BROX: variants seen among roughly 807,000 people sequenced by gnomAD.
The protein encoded by BROX is BRO1 domain and CAAX motif containing.
In BROX, 53 loss-of-function variants were observed where a neutral mutation model predicts 61.0. The observed-to-expected ratio is 0.87, with a 90% CI of 0.70 to 1.09. BROX has a LOEUF of 1.09. Ranked by LOEUF, BROX falls within the 50% of genes least tolerant of loss-of-function variation. The pLI, the probability that BROX is intolerant of heterozygous loss-of-function variation, is 0.00. For synonymous variants in BROX, 152 were observed against 160.2 expected, an observed-to-expected ratio of 0.95 and a Z score of 0.38; for missense variants, 489 against 472.0, an observed-to-expected ratio of 1.04 and a Z score of -0.33.
At chr1:222,718,004 C>G (rs1177088492) in intron 2 of BROX, 1 of 152,124 alleles carries the variant, frequency 6.6e-6, no homozygotes. Flanking sequence ...AAGCTAATTG[C>G]CTTCTGGATT....
In BROX at chr1:222,712,862, C is replaced by G; in HGVS notation, c.-97C>G. 3 of 1,272,990 alleles carry G rather than the reference C, an allele frequency of 2.4e-6. No individual in the cohort carries two copies. The highest frequency in any genetic ancestry group is 1.3e-5 in the South Asian group (1 of 79,394). 78.9% of individuals were successfully genotyped at this position (1,272,990 alleles called of 1,614,324 possible). A position where few individuals can be genotyped will look rare whatever the true frequency, so the allele number is the denominator to read the frequency against. On this transcript the variant is annotated 5_prime_UTR_variant, in exon 1 of 13. Coordinates refer to ENST00000340934, the MANE Select transcript of BROX (RefSeq NM_144695.4). ...GTTCTGTAGTCTCGGTTCTCCGACT[C>G]CCTCTTTTTCTCGCTTGTGGACTCC... is the stretch of plus-strand genomic sequence containing the variant.
At position 222,719,308 on chromosome 1, in the gene BROX, G is replaced by C. The variant is rs776481981; in HGVS notation, c.254G>C (p.Arg85Pro). The C allele has an allele frequency of 2.5e-6, 4 of 1,609,092 alleles. No individual in the cohort carries two copies. Among genetic ancestry groups the C allele is most frequent in the African/African-American group, 1.3e-5 (1 of 74,896 alleles). Residue 85 changes from arginine (R) to proline (P), a missense_variant, in exon 4 of 13, where the codon CGA becomes CCA. Physicochemically the swap from Arg to Pro is moderately radical, Grantham distance 103. Transcript: ENST00000340934. ...LDESTQESKL[R>P]YIQNFKWTDT... ...GAATCTACCCAAGAAAGCAAGTTAC[G>C]ATATATTCAAAATTTCAAGTGGACT...
intron 1 of BROX, 144 bp downstream of exon 1, chr1:222,713,086 AC>A (rs1656186916): frequency 9.8e-7 from 1 of 1,023,142 alleles, no homozygotes; most frequent in South Asian, 3.2e-5. Context: ...GTGCCTTGAA[AC>A]AAACGACAGA....
At position 222,725,549 on chromosome 1, in the gene BROX, C is replaced by G; in HGVS notation, c.574C>G (p.Gln192Glu). Residue 192 changes from glutamine to glutamate, a missense_variant, in exon 7 of 13, where the codon CAA becomes GAA. Transcript: ENST00000340934. ...AYVIQCQAEA[Q>E]EVTIARAIEL... ...CGTTATTCAATGTCAGGCTGAAGCT[C>G]AAGAAGGTATCCTAAATATTGTAAG... is the stretch of plus-strand genomic sequence containing the variant. The G allele has an allele frequency of 6.3e-7, 1 of 1,595,272 alleles. No homozygotes were observed. Among genetic ancestry groups the G allele is most frequent in the Non-Finnish European group, 8.6e-7 (1 of 1,169,210 alleles).
Position 222,734,509 on chromosome 1 carries a change from A to G in BROX, c.*1795A>G, listed in dbSNP as rs1284541907. On this transcript the variant is annotated 3_prime_UTR_variant, in exon 13 of 13. Transcript: ENST00000340934. ...CAGTGAGGTTTTTTTCTTAACATAC[A>G]GAAGTACTAAATACTGCTTGCAGTA... The G allele has an allele frequency of 6.6e-6, 1 of 152,234 alleles. No homozygotes were observed. Among genetic ancestry groups the G allele is most frequent in the East Asian group, 1.9e-4 (1 of 5,202 alleles). 9.4% of individuals were successfully genotyped at this position (152,234 alleles called of 1,614,324 possible).
Position 222,727,976 on chromosome 1 carries a change from C to T in BROX, c.670+719C>T, listed in dbSNP as rs930708160. On this transcript the variant is annotated intron_variant, in intron 8 of 12. Coordinates refer to ENST00000340934, the MANE Select transcript of BROX (RefSeq NM_144695.4). The stretch of plus-strand genomic sequence containing the variant: ...AGAACTTAGCACATTCTGGAAACTT[C>T]AGACAGTGACCTGAAACACAGGATG... Among the ~76,000 whole-genome samples the T allele has an allele frequency of 7.9e-5, 12 of 152,268 alleles. No homozygotes were observed. In the East Asian group the frequency reaches 2.1e-3, roughly 27 times the overall value.
chr1:222,716,803 T>C (rs981360157), intron 2 of BROX, among the ~76,000 whole-genome samples: 1 of 152,246 alleles, frequency 6.6e-6, no homozygotes, highest in African/African-American at 2.4e-5. Context: ...GAAAGGAGAA[T>C]GTTATTTCTG....
At chr1:222,725,666 T>A (rs1657449520) in intron 7 of BROX, 111 bp downstream of exon 7, 1 of 788,278 alleles carries the variant, frequency 1.3e-6, no homozygotes, top group Non-Finnish European at 1.9e-6. Flanking sequence ...TCCCAGCACT[T>A]TGGGAGGTCT....
intron 5 of BROX, 129 bp downstream of exon 5, chr1:222,722,643 T>G: frequency 1.5e-6 from 1 of 671,488 alleles, no homozygotes; most frequent in South Asian, 2.0e-5. Context: ...AATGTTAGTA[T>G]TTTGAGTGTC....
chr1:222,724,099 G>C lies in BROX; in HGVS notation c.409G>C (p.Glu137Gln), dbSNP rs897501779. Residue 137 changes from glutamate to glutamine, a missense_variant, in exon 6 of 13, where the codon GAA becomes CAA. Glu to Gln is a conservative substitution (Grantham distance 29). Transcript: ENST00000340934. The stretch of plus-strand genomic sequence containing the variant: ...GTAACCCCTATCTTTAAGTATAACA[G>C]AAGATGAAGCAAAAGAAGTTCATCG... ...SRLAGKENIT[E>Q]DEAKEVHRSL... 1 of 1,608,884 alleles carries C rather than the reference G, an allele frequency of 6.2e-7. No homozygotes were observed. Among genetic ancestry groups the C allele is most frequent in the African/African-American group, 1.3e-5 (1 of 74,782 alleles).
intron 1 of BROX, among the ~76,000 whole-genome samples, chr1:222,714,489 C>G (rs529407300): frequency 1.3e-5 from 2 of 148,640 alleles, no homozygotes; most frequent in African/African-American, 5.0e-5. Flanking sequence ...TGAGCCACCG[C>G]GCGTTTTTTT....
chr1:222,730,321 C>T (rs983749626), intron 11 of BROX, 144 bp downstream of exon 11: 31 of 500,582 alleles, frequency 6.2e-5, no homozygotes, highest in African/African-American at 1.0e-4. Flanking sequence ...ATGGGCTAGG[C>T]GTGGTGGCTC....
At chr1:222,715,852 C>T in intron 2 of BROX, 52 bp downstream of exon 2, 4 of 1,033,146 alleles carry the variant, frequency 3.9e-6, no homozygotes, top group Non-Finnish European at 5.8e-6. Flanking sequence ...TTTTTGGTTC[C>T]ATGGCAATAC....
At chr1:222,721,805 A>G (rs1414708711) in intron 4 of BROX, among the ~76,000 whole-genome samples, 1 of 151,830 alleles carries the variant, frequency 6.6e-6, no homozygotes. Flanking sequence ...CTTTTCCTTG[A>G]TTTCTTTTTT....
intron 11 of BROX, 78 bp from the exon 12 acceptor site, chr1:222,731,279 C>A: frequency 8.1e-7 from 1 of 1,240,324 alleles, no homozygotes; most frequent in Non-Finnish European, 1.1e-6. Context: ...TGTCATTGTC[C>A]CAAACAGGAC....
intron 5 of BROX, among the ~76,000 whole-genome samples, chr1:222,723,689 C>T (rs559759987): frequency 2.0e-5 from 3 of 152,062 alleles, no homozygotes; most frequent in South Asian, 2.1e-4. Context: ...TTTTTGGTGG[C>T]GGGGGGATGG....
chr1:222,728,693 C>T, intron 8 of BROX, 50 bp from the exon 9 acceptor site: 1 of 1,223,646 alleles, frequency 8.2e-7, no homozygotes, highest in South Asian at 1.3e-5. Flanking sequence ...TAAAAGTCTT[C>T]TAGTGAATCA....
intron 4 of BROX, among the ~76,000 whole-genome samples, chr1:222,721,296 CTG>C (rs1308396567): frequency 6.6e-6 from 1 of 151,082 alleles, no homozygotes; most frequent in Non-Finnish European, 1.5e-5. Context: ...TTGTTCATAA[CTG>C]TCATTTTTGG....
chr1:222,716,789 AG>A (rs1656655273), intron 2 of BROX, among the ~76,000 whole-genome samples: 1 of 152,224 alleles, frequency 6.6e-6, no homozygotes, highest in Non-Finnish European at 1.5e-5. Flanking sequence ...AGATTGTCAG[AG>A]GGGAAAGGAG....
Sources: allele counts gnomAD v4.1 joint callset (sites outside exome capture counted in the v4.1 genomes callset), GRCh38; gene constraint gnomAD v4.1.1; transcripts MANE v1.5; gene names NCBI Gene and HGNC (gene_info 2026-07-23, HGNC 2026-07-21).